ULK4: variants seen among roughly 807,000 people sequenced by gnomAD.
ULK4 encodes unc-51 like kinase 4.
ULK4 carries 133 observed loss-of-function variants against 160.6 expected under a neutral mutation model. The observed-to-expected ratio is 0.83, with a 90% confidence interval of 0.72 to 0.96. The LOEUF (loss-of-function observed/expected upper bound fraction) is 0.96, where lower values mean the gene tolerates loss of function less well. Among genes scored for constraint, ULK4 ranks in the 40% least tolerant of loss-of-function variants. The probability of loss-of-function intolerance (pLI) is 0.00; values close to 1 mark genes in which losing one functional copy is unlikely to be tolerated. For missense variants in ULK4, 1,580 were observed against 1,499.5 expected, an observed-to-expected ratio of 1.05 and a Z score of -0.89; for synonymous variants, 534 against 539.8, an observed-to-expected ratio of 0.99 and a Z score of 0.15.
intron 21 of ULK4, among the ~76,000 whole-genome samples, chr3:41,767,359 TAA>T (rs1426557971): frequency 6.6e-6 from 1 of 152,026 alleles, no homozygotes; most frequent in African/African-American, 2.4e-5. Flanking sequence ...TATTATGTAT[TAA>T]AATACTTTTT....
chr3:41,470,046 A>AAC (rs2083946373), intron 32 of ULK4, among the ~76,000 whole-genome samples: 1 of 115,942 alleles, frequency 8.6e-6, no homozygotes. Context: ...AAAAAAAAAA[A>AAC]CAAAGTATTT....
intron 28 of ULK4, 44 bp downstream of exon 28, chr3:41,681,709 G>T (rs1171011346): frequency 6.2e-7 from 1 of 1,613,780 alleles, no homozygotes; most frequent in Non-Finnish European, 8.5e-7. Flanking sequence ...AATGAAAATA[G>T]AATGTGTAAC....
intron 34 of ULK4, among the ~76,000 whole-genome samples, chr3:41,418,353 G>C (rs544220165): frequency 1.5e-5 from 2 of 134,974 alleles, no homozygotes; most frequent in African/African-American, 5.6e-5. Flanking sequence ...GGGGGGGGGG[G>C]CACGTTTCTA....
chr3:41,721,255 A>ATTTTTTTTTTTTTTTTT (rs67078042), intron 22 of ULK4, among the ~76,000 whole-genome samples: 2 of 45,052 alleles, frequency 4.4e-5, no homozygotes, highest in African/African-American at 2.0e-4. Context: ...TTCGCTTTGA[A>ATTTTTTTTTTTTTTTTT]TTTTTTTTTT....
intron 2 of ULK4, among the ~76,000 whole-genome samples, chr3:41,951,016 C>A (rs547223314): frequency 1.3e-5 from 2 of 151,402 alleles, no homozygotes; most frequent in African/African-American, 2.4e-5. Context: ...TGGTGGCGGG[C>A]GCCTGTAGTC....
intron 32 of ULK4, among the ~76,000 whole-genome samples, chr3:41,542,409 G>A (rs1311017249): frequency 6.6e-6 from 1 of 152,168 alleles, no homozygotes; most frequent in Non-Finnish European, 1.5e-5. Context: ...TTTTTGATGT[G>A]CTGCTGGATT....
At chr3:41,535,093 A>G (rs190619920) in intron 32 of ULK4, among the ~76,000 whole-genome samples, 87 of 152,216 alleles carry the variant, frequency 5.7e-4, no homozygotes, top group African/African-American at 1.9e-3. Flanking sequence ...AGATTTATCA[A>G]TGCTTGCCTT....
At chr3:41,635,072 G>T (rs906872499) in intron 30 of ULK4, among the ~76,000 whole-genome samples, 1 of 152,136 alleles carries the variant, frequency 6.6e-6, no homozygotes, top group Non-Finnish European at 1.5e-5. Context: ...GGTTAACACT[G>T]TACTCATTCT....
intron 17 of ULK4, among the ~76,000 whole-genome samples, chr3:41,841,527 A>G (rs113449797): frequency 0.32 from 46,263 of 146,762 alleles, 10,392 homozygotes; most frequent in African/African-American, 0.65. Context: ...ACCTCTGCCC[A>G]GCCGCCCTTC....
At chr3:41,333,466 AAAG>A (rs2080489346) in intron 35 of ULK4, among the ~76,000 whole-genome samples, 1 of 146,038 alleles carries the variant, frequency 6.8e-6, no homozygotes, top group Admixed American at 6.9e-5. Context: ...TGGCTTGGGG[AAAG>A]AGAACCAAAA....
At chr3:41,379,236 T>C (rs1372989065) in intron 35 of ULK4, among the ~76,000 whole-genome samples, 2 of 152,028 alleles carry the variant, frequency 1.3e-5, no homozygotes, top group South Asian at 2.1e-4. Flanking sequence ...AAAAAAAAAG[T>C]GTTCAGTATC....
intron 25 of ULK4, among the ~76,000 whole-genome samples, chr3:41,706,894 T>G (rs1219252964): frequency 2.3e-5 from 3 of 130,118 alleles, no homozygotes; most frequent in African/African-American, 1.2e-4. Context: ...TGTGTGTATA[T>G]ATATATAGAG....
chr3:41,492,499 C>T (rs1198892708), intron 32 of ULK4, among the ~76,000 whole-genome samples: 2 of 150,198 alleles, frequency 1.3e-5, no homozygotes, highest in African/African-American at 4.9e-5. Flanking sequence ...ACCATTGAGA[C>T]TAGGAAGAAA....
chr3:41,823,917 C>T (rs1389810943), intron 18 of ULK4, among the ~76,000 whole-genome samples: 1 of 152,106 alleles, frequency 6.6e-6, no homozygotes, highest in Non-Finnish European at 1.5e-5. Context: ...AATCTCAATA[C>T]TTTGGAAGAC....
chr3:41,371,266 G>T (rs917596742), intron 35 of ULK4, among the ~76,000 whole-genome samples: 1 of 152,174 alleles, frequency 6.6e-6, no homozygotes, highest in African/African-American at 2.4e-5. Flanking sequence ...AGAGAGCAGC[G>T]GTTCTCTCAG....
intron 30 of ULK4, among the ~76,000 whole-genome samples, chr3:41,642,891 T>C (rs2034290063): frequency 6.6e-6 from 1 of 152,220 alleles, no homozygotes; most frequent in African/African-American, 2.4e-5. Flanking sequence ...TTCTAACTGG[T>C]GTGAGATGGT....
rs747842907 is a variant in ULK4, at chr3:41,819,292, G to T, written c.1848+131C>A. Reference sequence around the variant, plus strand: ...GGTCACTTGCTCATGGTAGGTTGTCGGGATTATTTAAATTCAGGAGCAATA... The same window carrying T: ...GGTCACTTGCTCATGGTAGGTTGTCTGGATTATTTAAATTCAGGAGCAATA... On this transcript the variant is annotated intron_variant, in intron 19 of 36. Transcript: ENST00000301831. The T allele has an allele frequency of 8.0e-6, 6 of 746,680 alleles. No homozygotes were observed. In the African/African-American group the frequency reaches 8.7e-5, roughly 11 times the overall value. 46.3% of individuals were successfully genotyped at this position (746,680 alleles called of 1,614,324 possible).
chr3:41,440,668 A>G (rs1400463440), intron 34 of ULK4, among the ~76,000 whole-genome samples: 1 of 152,124 alleles, frequency 6.6e-6, no homozygotes, highest in Non-Finnish European at 1.5e-5. Context: ...AGCCTCTAGA[A>G]TGAGTTGGGA....
intron 33 of ULK4, among the ~76,000 whole-genome samples, chr3:41,461,823 G>GTAACT (rs2083691713): frequency 2.6e-5 from 4 of 152,216 alleles, no homozygotes; most frequent in Admixed American, 2.6e-4. Flanking sequence ...TCCTGTAAAA[G>GTAACT]TAACTATCAA....
Sources: gnomAD v4.1 joint callset for allele counts (sites outside exome capture counted in the v4.1 genomes callset) on GRCh38, gnomAD v4.1.1 for gene constraint, MANE v1.5 for transcripts, NCBI Gene and HGNC (gene_info 2026-07-23, HGNC 2026-07-21) for gene names.